IRAG2: variants seen among roughly 807,000 people sequenced by gnomAD.
IRAG2 encodes inositol 1,4,5-triphosphate receptor associated 2.
Under a neutral mutation model 69.9 loss-of-function variants are expected in IRAG2, and 45 were observed. That is an observed-to-expected ratio of 0.64 (90% confidence interval 0.51 to 0.83). IRAG2 has a LOEUF of 0.83. IRAG2 is among the 40% of genes least tolerant of loss of function. IRAG2 has a pLI of 0.00. For synonymous variants in IRAG2, 193 were observed against 202.4 expected, an observed-to-expected ratio of 0.95 and a Z score of 0.40; for missense variants, 520 against 587.0, an observed-to-expected ratio of 0.89 and a Z score of 1.18.
intron 10 of IRAG2, among the ~76,000 whole-genome samples, chr12:25,087,671 C>T (rs1357061258): frequency 2.6e-5 from 4 of 151,934 alleles, no homozygotes; most frequent in East Asian, 1.9e-4. Flanking sequence ...GGTCCCCAGT[C>T]GCTGCTGAGC....
intron 20 of IRAG2, among the ~76,000 whole-genome samples, chr12:25,105,153 T>C (rs1948980669): frequency 6.8e-6 from 1 of 146,320 alleles, no homozygotes; most frequent in South Asian, 2.2e-4. Context: ...CTTAGCTCAC[T>C]GCAACCTCCA....
At chr12:25,039,836 C>T (rs1203915014) in intron 16 of IRAG2, among the ~76,000 whole-genome samples, 1 of 152,138 alleles carries the variant, frequency 6.6e-6, no homozygotes, top group Non-Finnish European at 1.5e-5. Flanking sequence ...ATACAAGCAG[C>T]CCGGTTAAAT....
chr12:24,999,794 A>AT (rs1208358136), upstream of IRAG2, among the ~76,000 whole-genome samples: 1 of 149,904 alleles, frequency 6.7e-6, no homozygotes, highest in East Asian at 1.9e-4. Context: ...TTTATTTGAC[A>AT]TTTTTCAGGT....
intron 6 of IRAG2, among the ~76,000 whole-genome samples, chr12:25,073,097 T>A (rs1946438354): frequency 1.3e-5 from 2 of 152,214 alleles, no homozygotes; most frequent in Non-Finnish European, 2.9e-5. Flanking sequence ...GGGAAAGTCG[T>A]GTTTTCAGGC....
upstream of IRAG2, chr12:25,004,331 G>A (rs930716160): frequency 8.1e-7 from 1 of 1,231,784 alleles, no homozygotes; most frequent in African/African-American, 1.6e-5. Context: ...ATACTAGGAG[G>A]AAAGTCAACA....
chr12:25,001,689 G>A (rs1944391981), upstream of IRAG2, among the ~76,000 whole-genome samples: 1 of 151,804 alleles, frequency 6.6e-6, no homozygotes, highest in Admixed American at 6.6e-5. Context: ...TGTCCAACCT[G>A]TGCCTAAATT....
intron 16 of IRAG2, among the ~76,000 whole-genome samples, chr12:25,045,848 T>TAAAAAAAAAA (rs71063392): frequency 1.5e-5 from 2 of 131,568 alleles, no homozygotes. Flanking sequence ...AAATAAAAGA[T>TAAAAAAAAAA]AAAAAAAAAA....
chr12:25,009,902 C>T (rs1272588151), intron 2 of IRAG2, among the ~76,000 whole-genome samples: 1 of 152,132 alleles, frequency 6.6e-6, no homozygotes, highest in African/African-American at 2.4e-5. Flanking sequence ...CTATTCAGGC[C>T]TTCAACTGGT....
intron 9 of IRAG2, among the ~76,000 whole-genome samples, chr12:25,029,619 C>A (rs1165558650): frequency 6.6e-6 from 1 of 151,836 alleles, no homozygotes; most frequent in Non-Finnish European, 1.5e-5. Flanking sequence ...ATTGATATAT[C>A]CTTTATGTTC....
At chr12:25,101,050 A>T (rs11047834) in intron 15 of IRAG2, 128 bp from the exon 16 acceptor site, 120,954 of 642,936 alleles carry the variant, frequency 0.19, 10,596 homozygotes, top group Middle Eastern at 0.24. Context: ...ATGTCTTTTT[A>T]AAAAAAAAAC....
chr12:25,101,122 C>G (rs1948729434), intron 15 of IRAG2, 56 bp from the exon 16 acceptor site: 1 of 1,470,946 alleles, frequency 6.8e-7, no homozygotes. Flanking sequence ...TAATCACCAT[C>G]TTTTAATTGA....
chr12:25,102,017 G>A, intron 16 of IRAG2, 181 bp from the exon 17 acceptor site: 1 of 693,858 alleles, frequency 1.4e-6, no homozygotes, highest in Non-Finnish European at 2.6e-6. Flanking sequence ...TATTCCATTG[G>A]TTAAGATGGT....
At chr12:25,045,792 A>G (rs934717696) in intron 16 of IRAG2, among the ~76,000 whole-genome samples, 1 of 151,744 alleles carries the variant, frequency 6.6e-6, no homozygotes, top group Admixed American at 6.6e-5. Flanking sequence ...GAATTCTACC[A>G]AACATTTAAA....
chr12:25,030,915 C>A, intron 10 of IRAG2: 1 of 550,782 alleles, frequency 1.8e-6, no homozygotes, highest in Non-Finnish European at 2.3e-6. Context: ...GAATATATAC[C>A]CAAATTATTT....
At chr12:25,095,173 A>C (rs1948339748) in intron 14 of IRAG2, among the ~76,000 whole-genome samples, 1 of 152,154 alleles carries the variant, frequency 6.6e-6, no homozygotes, top group South Asian at 2.1e-4. Flanking sequence ...ATAAGCTTTC[A>C]GTCTTTCACC....
intron 6 of IRAG2, among the ~76,000 whole-genome samples, chr12:25,074,903 A>G (rs1946578975): frequency 6.6e-6 from 1 of 152,226 alleles, no homozygotes; most frequent in African/African-American, 2.4e-5. Flanking sequence ...AAAATATCTC[A>G]GAAGATTTTC....
upstream of IRAG2, among the ~76,000 whole-genome samples, chr12:25,003,307 T>A (rs1944405969): frequency 6.6e-6 from 1 of 152,214 alleles, no homozygotes; most frequent in African/African-American, 2.4e-5. Flanking sequence ...ATTGAAACTA[T>A]TTTAACCTTT....
chr12:25,021,091 C>CTTTTTTTTTTTTTTTCTTTTTT (rs71063389), intron 7 of IRAG2: 1 of 266,024 alleles, frequency 3.8e-6, no homozygotes. Context: ...TCTTTCTTTT[C>CTTTTTTTTTTTTTTTCTTTTTT]TTTTTTTTTT....
rs1227284255 is a variant in IRAG2, at chr12:25,079,380, T to TTGCTATCTTTTTGG, written c.72-17_72-4dup. The TTGCTATCTTTTTGG allele has an allele frequency of 2.5e-6, 4 of 1,612,014 alleles. No individual in the cohort carries two copies. The highest frequency in any genetic ancestry group is 3.4e-6 in the Non-Finnish European group (4 of 1,178,174). On this transcript the variant is annotated splice_polypyrimidine_tract_variant and intron_variant, in intron 7 of 21. Coordinates refer to ENST00000556887, the MANE Select transcript of IRAG2 (RefSeq NM_001366544.2). ...TTGGACCTGACATTCCAAAACATGT[T>TTGCTATCTTTTTGG]TGCTATCTTTTTGGCAGGGAATATT...
Sources: allele counts gnomAD v4.1 joint callset (sites outside exome capture counted in the v4.1 genomes callset), GRCh38; gene constraint gnomAD v4.1.1; transcripts MANE v1.5; gene names NCBI Gene and HGNC (gene_info 2026-07-23, HGNC 2026-07-21).